LRRTM4: variants seen among roughly 807,000 people sequenced by gnomAD.
LRRTM4 encodes the protein leucine-rich repeat transmembrane neuronal protein 4.
In LRRTM4, 25 loss-of-function variants were observed where a neutral mutation model predicts 47.6. The observed-to-expected ratio is 0.53, with a 90% CI of 0.38 to 0.73. The LOEUF is 0.73. LRRTM4 is among the 30% of genes least tolerant of loss of function. The pLI, the probability that LRRTM4 is intolerant of heterozygous loss-of-function variation, is 0.00. For missense variants in LRRTM4, 638 were observed against 713.4 expected (o/e 0.89, Z 1.20); for synonymous variants, 311 against 269.5 (o/e 1.15, Z -1.51).
chr2:76,890,641 A>C (rs975683385), intron 3 of LRRTM4, among the ~76,000 whole-genome samples: 7 of 152,016 alleles, frequency 4.6e-5, no homozygotes, highest in African/African-American at 1.7e-4. Flanking sequence ...TAAACTGCAT[A>C]AACAGTAAAT....
In LRRTM4 at chr2:76,913,543, A is replaced by ATTTTTTTTTTTTTTTTTT. The variant is rs58615415; in HGVS notation, c.1552-164628_1552-164627insAAAAAAAAAAAAAAAAAA. Among the ~76,000 whole-genome samples the ATTTTTTTTTTTTTTTTTT allele has an allele frequency of 3.8e-3, 464 of 121,348 alleles. 47 individuals are homozygous for ATTTTTTTTTTTTTTTTTT. The highest frequency in any genetic ancestry group is 0.013 in the African/African-American group (402 of 30,550). The allele number at this position is 121,348 out of a possible 152,430, so 79.6% of individuals were successfully genotyped here. On this transcript the variant is annotated intron_variant, in intron 3 of 3. Coordinates refer to ENST00000409884, the MANE Select transcript of LRRTM4 (RefSeq NM_001134745.3). ...CCAAATATTTAGAGATCCTATTTCAATTTTTTTTTTTTTTGAGACAGAGTC... is the reference window on the plus strand; with the variant it reads ...CCAAATATTTAGAGATCCTATTTCAATTTTTTTTTTTTTTTTTTTTTTTTTTTTTTTTGAGACAGAGTC...
intron 3 of LRRTM4, among the ~76,000 whole-genome samples, chr2:76,773,671 A>C (rs1673817511): frequency 6.6e-6 from 1 of 151,796 alleles, no homozygotes; most frequent in Admixed American, 6.6e-5. Flanking sequence ...TTAAAAATAA[A>C]TTTAAAATTT....
chr2:76,853,051 A>G (rs11894844), intron 3 of LRRTM4, among the ~76,000 whole-genome samples: 1 of 152,292 alleles, frequency 6.6e-6, no homozygotes, highest in African/African-American at 2.4e-5. Context: ...GACTGACTTT[A>G]TAACTTGGTA....
chr2:76,897,017 G>A (rs866115991), intron 3 of LRRTM4, among the ~76,000 whole-genome samples: 1 of 151,836 alleles, frequency 6.6e-6, no homozygotes, highest in Non-Finnish European at 1.5e-5. Flanking sequence ...ATTCTGATGA[G>A]GAAGCCCAGC....
At chr2:77,440,007 T>C (rs917321204) in intron 3 of LRRTM4, among the ~76,000 whole-genome samples, 1 of 152,214 alleles carries the variant, frequency 6.6e-6, no homozygotes, top group African/African-American at 2.4e-5. Flanking sequence ...TCTATCTGTC[T>C]TATCAAATAA....
intron 3 of LRRTM4, among the ~76,000 whole-genome samples, chr2:77,286,973 A>G (rs968877027): frequency 4.3e-4 from 66 of 152,088 alleles, no homozygotes; most frequent in African/African-American, 1.4e-3. Context: ...AGTCTGGGAG[A>G]GTACAATTGC....
At chr2:76,962,512 T>C (rs1290137254) in intron 3 of LRRTM4, among the ~76,000 whole-genome samples, 1 of 149,682 alleles carries the variant, frequency 6.7e-6, no homozygotes, top group Non-Finnish European at 1.5e-5. Context: ...TGAAAGTGTA[T>C]TTTTTTTTGT....
At chr2:76,824,285 C>A (rs933212041) in intron 3 of LRRTM4, among the ~76,000 whole-genome samples, 5 of 151,446 alleles carry the variant, frequency 3.3e-5, no homozygotes, top group Non-Finnish European at 7.4e-5. Flanking sequence ...GTTTTGCATT[C>A]TCTTTCGACT....
At position 76,816,822 on chromosome 2, in the gene LRRTM4, T is replaced by G. The variant is rs1033392233; in HGVS notation, c.1552-67906A>C. ...TGCTTTTACTTAGAGGTAAAGAGTT[T>G]TTTTTTTTTTTTTTTTTTTTTTTTT... On this transcript the variant is annotated intron_variant, in intron 3 of 3. Transcript: ENST00000409884. 1.8e-3 allele frequency among the ~76,000 whole-genome samples: 52 copies of G among 28,262 alleles called. No individual in the cohort carries two copies. In the African/African-American group the frequency reaches 0.02, roughly 11 times the overall value. 18.5% of individuals were successfully genotyped at this position (28,262 alleles called of 152,430 possible).
chr2:77,328,267 T>A (rs1670851951), intron 3 of LRRTM4, among the ~76,000 whole-genome samples: 2 of 152,220 alleles, frequency 1.3e-5, no homozygotes, highest in African/African-American at 4.8e-5. Flanking sequence ...TAGGTCTAAC[T>A]GAATAATAGC....
chr2:77,083,804 T>TTG (rs1558569834), intron 3 of LRRTM4, among the ~76,000 whole-genome samples: 5 of 102,646 alleles, frequency 4.9e-5, no homozygotes, highest in African/African-American at 2.0e-4. Flanking sequence ...TTTTTTTTTT[T>TTG]TTTTTTTTTT....
At chr2:77,458,635 T>G (rs1277583605) in intron 3 of LRRTM4, among the ~76,000 whole-genome samples, 1 of 152,000 alleles carries the variant, frequency 6.6e-6, no homozygotes, top group Admixed American at 6.6e-5. Context: ...TGAGATTTTA[T>G]AGTACAGTTG....
At chr2:77,520,078 C>T (rs1385898826) in intron 2 of LRRTM4, among the ~76,000 whole-genome samples, 4 of 152,150 alleles carry the variant, frequency 2.6e-5, no homozygotes, top group Non-Finnish European at 5.9e-5. Flanking sequence ...TCACCACAGT[C>T]CCATAGAATT....
chr2:77,044,384 T>C (rs1236560922), intron 3 of LRRTM4, among the ~76,000 whole-genome samples: 3 of 151,826 alleles, frequency 2.0e-5, no homozygotes, highest in Non-Finnish European at 2.9e-5. Context: ...AGTCCAAACA[T>C]TACCTTCTAT....
At chr2:77,148,569 T>G (rs1672335575) in intron 3 of LRRTM4, among the ~76,000 whole-genome samples, 1 of 152,132 alleles carries the variant, frequency 6.6e-6, no homozygotes, top group Non-Finnish European at 1.5e-5. Context: ...TTGTTGCATC[T>G]TCTGTAACAA....
chr2:77,321,035 C>A (rs1393896891), intron 3 of LRRTM4, among the ~76,000 whole-genome samples: 1 of 151,628 alleles, frequency 6.6e-6, no homozygotes, highest in Admixed American at 6.6e-5. Flanking sequence ...TATGTCATGG[C>A]AAAATATTAT....
chr2:76,944,770 A>G (rs956470031), intron 3 of LRRTM4, among the ~76,000 whole-genome samples: 2 of 152,086 alleles, frequency 1.3e-5, no homozygotes, highest in Admixed American at 1.3e-4. Context: ...TCAACTTCCC[A>G]AAGTTCATTT....
intron 3 of LRRTM4, among the ~76,000 whole-genome samples, chr2:77,505,436 C>T (rs551318285): frequency 4.9e-4 from 74 of 151,444 alleles, no homozygotes; most frequent in African/African-American, 1.8e-3. Flanking sequence ...TTACCACATG[C>T]TAGTATAGGT....
At chr2:76,991,069 G>A (rs1311868872) in intron 3 of LRRTM4, among the ~76,000 whole-genome samples, 3 of 151,642 alleles carry the variant, frequency 2.0e-5, no homozygotes, top group African/African-American at 7.3e-5. Context: ...AGAAAATTAA[G>A]GCAGAAAGAA....
Sources: allele counts gnomAD v4.1 joint callset (sites outside exome capture counted in the v4.1 genomes callset), GRCh38; gene constraint gnomAD v4.1.1; transcripts MANE v1.5; gene names NCBI Gene and HGNC (gene_info 2026-07-23, HGNC 2026-07-21).